The following SDK1 variants were observed in gnomAD, a reference collection of about 807,000 sequenced individuals.
SDK1 encodes sidekick cell adhesion molecule 1, also known as protein sidekick-1.
A neutral mutation model predicts 245.5 loss-of-function variants in SDK1; 157 were observed. That is an observed-to-expected ratio of 0.64 (90% CI 0.56 to 0.73). The LOEUF is 0.73. SDK1 is among the 30% of genes least tolerant of loss of function. The pLI is 0.00. For synonymous variants in SDK1, 1,647 were observed against 1,278.5 expected, an observed-to-expected ratio of 1.29 and a Z score of -6.15; for missense variants, 3,583 against 3,002.3, an observed-to-expected ratio of 1.19 and a Z score of -4.52.
chr7:3,457,122 G>A lies in SDK1; in HGVS notation c.298+155238G>A, dbSNP rs534106927. Among the ~76,000 whole-genome samples, 10 of 152,240 alleles carry A rather than the reference G, an allele frequency of 6.6e-5. No homozygotes were observed. In the East Asian group the frequency reaches 1.9e-3, roughly 29 times the overall value. ...GCGGTTCTCTGTTGTCCGCTTTTCT[G>A]GTGCCACTGTGCTTACTTGGGTGTC... On this transcript the variant is annotated intron_variant, in intron 1 of 44. Coordinates refer to ENST00000404826, the MANE Select transcript of SDK1 (RefSeq NM_152744.4).
At chr7:3,633,326 C>T (rs1446370760) in intron 2 of SDK1, among the ~76,000 whole-genome samples, 1 of 152,034 alleles carries the variant, frequency 6.6e-6, no homozygotes, top group African/African-American at 2.4e-5. Context: ...AAATTAAGTT[C>T]CCTGACCACC....
intron 1 of SDK1, among the ~76,000 whole-genome samples, chr7:3,598,380 A>T (rs572498393): frequency 6.6e-6 from 1 of 152,278 alleles, no homozygotes; most frequent in South Asian, 2.1e-4. Flanking sequence ...TGTTTGTTCT[A>T]AATTAAGCTT....
intron 1 of SDK1, among the ~76,000 whole-genome samples, chr7:3,452,040 A>C (rs932563434): frequency 6.6e-6 from 1 of 152,138 alleles, no homozygotes; most frequent in African/African-American, 2.4e-5. Context: ...TTTTAAAAAC[A>C]GAGATAGAGA....
chr7:3,761,033 C>T (rs948881026), intron 4 of SDK1, among the ~76,000 whole-genome samples: 1 of 152,158 alleles, frequency 6.6e-6, no homozygotes, highest in Non-Finnish European at 1.5e-5. Context: ...TGGGAACTTA[C>T]ATTTTCAATT....
chr7:3,370,869 C>G (rs1199409787), intron 1 of SDK1, among the ~76,000 whole-genome samples: 1 of 152,116 alleles, frequency 6.6e-6, no homozygotes, highest in Non-Finnish European at 1.5e-5. Context: ...CCAGTCATAC[C>G]TGGGTCCCTC....
chr7:3,817,660 TC>T (rs2094449786), intron 4 of SDK1, among the ~76,000 whole-genome samples: 1 of 152,130 alleles, frequency 6.6e-6, no homozygotes, highest in African/African-American at 2.4e-5. Flanking sequence ...GCAGGGAGCT[TC>T]CCAGTCGATG....
chr7:3,533,438 G>A (rs933326867), intron 1 of SDK1, among the ~76,000 whole-genome samples: 9 of 152,156 alleles, frequency 5.9e-5, no homozygotes, highest in African/African-American at 2.2e-4. Context: ...TTCTGATAGT[G>A]CCACCAAAAT....
In SDK1 at chr7:3,644,218, T is replaced by C. The variant is rs914835162; in HGVS notation, c.713+2113T>C. Among the ~76,000 whole-genome samples, 9 of 141,288 alleles carry C rather than the reference T, an allele frequency of 6.4e-5. No homozygotes were observed. The East Asian group carries it at 1.9e-3, about 29-fold the overall frequency. 92.7% of individuals were successfully genotyped at this position (141,288 alleles called of 152,430 possible). On this transcript the variant is annotated intron_variant, in intron 4 of 44. Transcript: ENST00000404826. ...CTTAAGCTTATTTCACAAATGTTTC[T>C]ATTTTGGTTATTGGGAACAAAAATT...
rs1193641211 is a variant in SDK1, at chr7:3,602,384, A to T, written c.299-16696A>T. Among the ~76,000 whole-genome samples, 4 of 151,836 alleles carry T rather than the reference A, an allele frequency of 2.6e-5. 1 individual carries two copies. The highest frequency in any genetic ancestry group is 9.7e-5 in the African/African-American group (4 of 41,278). Reference sequence around the variant, plus strand: ...TGATTGCTATTCTAACTGGTGTGAGATGGTATCTCATAGTGGTTTTGATTT... The same window carrying T: ...TGATTGCTATTCTAACTGGTGTGAGTTGGTATCTCATAGTGGTTTTGATTT... On this transcript the variant is annotated intron_variant, in intron 1 of 44. Coordinates refer to ENST00000404826, the MANE Select transcript of SDK1 (RefSeq NM_152744.4).
At chr7:3,538,766 C>T (rs1380473273) in intron 1 of SDK1, among the ~76,000 whole-genome samples, 1 of 152,164 alleles carries the variant, frequency 6.6e-6, no homozygotes, top group Admixed American at 6.5e-5. Context: ...GGAGTGGGGG[C>T]AGAAAGGCCC....
At chr7:4,053,803 G>T (rs1197668601) in intron 19 of SDK1, among the ~76,000 whole-genome samples, 5 of 152,154 alleles carry the variant, frequency 3.3e-5, no homozygotes, top group Non-Finnish European at 7.3e-5. Context: ...AAGTAGCCCT[G>T]CTGCTGCTGT....
At chr7:3,577,010 G>C (rs181527131) in intron 1 of SDK1, among the ~76,000 whole-genome samples, 2 of 151,824 alleles carry the variant, frequency 1.3e-5, no homozygotes, top group African/African-American at 4.8e-5. Flanking sequence ...ATTTTTCATC[G>C]ATGCCCTTGT....
intron 5 of SDK1, among the ~76,000 whole-genome samples, chr7:3,864,994 G>T (rs891580296): frequency 2.0e-5 from 3 of 152,192 alleles, no homozygotes; most frequent in Non-Finnish European, 4.4e-5. Flanking sequence ...TCTCTCAGGG[G>T]TGCTAACTCT....
intron 23 of SDK1, among the ~76,000 whole-genome samples, chr7:4,111,618 A>G (rs1256312955): frequency 6.6e-6 from 1 of 152,118 alleles, no homozygotes; most frequent in Non-Finnish European, 1.5e-5. Context: ...GACACAATAC[A>G]CTGGGTTTTA....
rs1562631499 is a variant in SDK1, at chr7:3,991,076, C to T, written c.2131+3754C>T. ...AGACAGTCAGAGGCATCGATGCAGC[C>T]TCCACGTCGCACGTTCCCGGCTAGG... On this transcript the variant is annotated intron_variant, in intron 14 of 44. Transcript: ENST00000404826. 2.0e-5 allele frequency among the ~76,000 whole-genome samples: 3 copies of T among 152,226 alleles called. No homozygotes were observed. In the South Asian group the frequency reaches 6.2e-4, roughly 31 times the overall value.
intron 1 of SDK1, among the ~76,000 whole-genome samples, chr7:3,412,102 G>A (rs1406509297): frequency 6.6e-6 from 1 of 152,150 alleles, no homozygotes; most frequent in Non-Finnish European, 1.5e-5. Flanking sequence ...TTCCAATTTA[G>A]CTGAAACATT....
At chr7:3,589,723 G>A (rs984856944) in intron 1 of SDK1, among the ~76,000 whole-genome samples, 2 of 152,154 alleles carry the variant, frequency 1.3e-5, no homozygotes, top group African/African-American at 4.8e-5. Flanking sequence ...CATGAGAACA[G>A]CATGGGAAAA....
At chr7:4,126,065 G>A (rs930909052) in intron 25 of SDK1, among the ~76,000 whole-genome samples, 10 of 152,276 alleles carry the variant, frequency 6.6e-5, no homozygotes, top group African/African-American at 2.2e-4. Context: ...GTGAACCCCC[G>A]AATGGGATAT....
rs1355924287 is a variant in SDK1 at position 3,562,230 on chromosome 7, C to T, written c.299-56850C>T. ...ATCTCCAAGGATTCCAGACCGTATT[C>T]TACCGTTTCCAAAAATAACCTGCCA... On this transcript the variant is annotated intron_variant, in intron 1 of 44. Transcript: ENST00000404826. 5.3e-5 allele frequency among the ~76,000 whole-genome samples: 8 copies of T among 152,352 alleles called. No homozygotes were observed. The East Asian group carries it at 1.2e-3, about 22-fold the overall frequency.
Sources: gnomAD v4.1 joint callset for allele counts (sites outside exome capture counted in the v4.1 genomes callset) on GRCh38, gnomAD v4.1.1 for gene constraint, MANE v1.5 for transcripts, NCBI Gene and HGNC (gene_info 2026-07-23, HGNC 2026-07-21) for gene names.